The following TPRA1 variants were observed in gnomAD, a reference collection of about 807,000 sequenced individuals.
TPRA1 encodes transmembrane protein adipocyte-associated 1.
A neutral mutation model predicts 40.1 loss-of-function variants in TPRA1; 28 were observed. The observed-to-expected ratio is 0.70, with a 90% CI of 0.52 to 0.96. TPRA1 has a LOEUF of 0.96. Ranked by LOEUF, TPRA1 falls within the 40% of genes least tolerant of loss-of-function variation. The pLI, the probability that TPRA1 is intolerant of heterozygous loss-of-function variation, is 0.00. For missense variants in TPRA1, 441 were observed against 482.6 expected (o/e 0.91, Z 0.81); for synonymous variants, 219 against 209.7 (o/e 1.04, Z -0.38).
At chr3:127,585,512 C>T (rs559100329) in intron 1 of TPRA1, among the ~76,000 whole-genome samples, 34 of 152,328 alleles carry the variant, frequency 2.2e-4, no homozygotes, top group Admixed American at 3.3e-4. Context: ...GGAGCTCCTG[C>T]AACAGTCCAT....
Position 127,598,189 on chromosome 3 carries a change from C to T in TPRA1, c.-573G>A, listed in dbSNP as rs1310273904. The T allele has an allele frequency of 9.1e-6, 5 of 547,086 alleles. No homozygotes were observed. In the Admixed American group the frequency reaches 1.6e-4, roughly 18 times the overall value. The allele number at this position is 547,086 out of a possible 1,614,324, so 33.9% of individuals were successfully genotyped here. Reference sequence around the variant, plus strand: ...GTCGTCGGGTCCCCTGGAGCCTCAGCTTCTACCTCCGCTCCAGCTCCCACC... The same window carrying T: ...GTCGTCGGGTCCCCTGGAGCCTCAGTTTCTACCTCCGCTCCAGCTCCCACC... On this transcript the variant is annotated 5_prime_UTR_variant, in exon 1 of 4. Coordinates refer to the TPRA1 transcript ENST00000462228.
chr3:127,575,377 G>A (rs2073568453), intron 9 of TPRA1, 26 bp downstream of exon 9: 1 of 1,572,388 alleles, frequency 6.4e-7, no homozygotes, highest in East Asian at 2.3e-5. Context: ...CCCCCACGAG[G>A]CAGACACCCT....
rs1274324040 is a variant in TPRA1 at position 127,575,808 on chromosome 3, A to T, written c.611T>A (p.Val204Asp). ...WLVSSCFFFL[V>D]YSLVVILPKT... ...GGGAAGGATGACCACCAGAGAGTAGACCTACAGAGACAGGCAGGGCTGAGA... is the reference window on the plus strand; with the variant it reads ...GGGAAGGATGACCACCAGAGAGTAGTCCTACAGAGACAGGCAGGGCTGAGA... The change falls in exon 8 of 11, where the codon GTC becomes GAC. Residue 204 changes from valine (V) to aspartate (D), a missense_variant and splice_region_variant. By Grantham distance (152) the Val-to-Asp change is radical (BLOSUM62 -3). Coordinates refer to ENST00000355552, the MANE Select transcript of TPRA1 (RefSeq NM_001136053.4). 1.2e-6 allele frequency: 2 copies of T among 1,613,882 alleles called. No homozygotes were observed. The highest frequency in any genetic ancestry group is 3.3e-5 in the Admixed American group (2 of 60,024).
At chr3:127,598,074 G>A (rs544242429) in exon 1 of TPRA1, 4 of 316,046 alleles carry the variant, frequency 1.3e-5, no homozygotes, top group South Asian at 5.0e-5. Context: ...CCAAAGTGCT[G>A]GGATTACAGG....
At position 127,581,137 on chromosome 3, in the gene TPRA1, G is replaced by A. The variant is rs540613150; in HGVS notation, c.-17-974C>T. 1.8e-4 allele frequency among the ~76,000 whole-genome samples: 27 copies of A among 152,320 alleles called. No homozygotes were observed. The South Asian group carries it at 4.6e-3, about 26-fold the overall frequency. On this transcript the variant is annotated intron_variant, in intron 1 of 10. Coordinates refer to ENST00000355552, the MANE Select transcript of TPRA1 (RefSeq NM_001136053.4). ...CAACAGGTACTTCCGCAGGGAGTTCGGGGTGATCCAGGTGTGGCCTGGGGC... is the reference window on the plus strand; with the variant it reads ...CAACAGGTACTTCCGCAGGGAGTTCAGGGTGATCCAGGTGTGGCCTGGGGC...
At chr3:127,590,915 G>A (rs897869136), upstream of TPRA1, 14 of 152,264 alleles carry the variant, frequency 9.2e-5, no homozygotes, top group African/African-American at 3.1e-4. Flanking sequence ...GAGGTGCAGA[G>A]ACAAGACGCT....
intron 1 of TPRA1, among the ~76,000 whole-genome samples, chr3:127,581,293 C>G (rs1264360079): frequency 2.6e-5 from 4 of 152,200 alleles, no homozygotes; most frequent in African/African-American, 9.6e-5. Context: ...AGCCCCAGAG[C>G]ATGGGCATAA....
chr3:127,581,635 G>A (rs186694277), intron 1 of TPRA1, among the ~76,000 whole-genome samples: 17 of 152,130 alleles, frequency 1.1e-4, no homozygotes, highest in East Asian at 9.7e-4. Context: ...AGATGTGGCC[G>A]GGCGCGGTGG....
Position 127,573,624 on chromosome 3 carries a change from G to C in TPRA1, c.1019C>G (p.Ser340Cys). 1.9e-6 allele frequency: 3 copies of C among 1,613,314 alleles called. No homozygotes were observed. The highest frequency in any genetic ancestry group is 2.5e-6 in the Non-Finnish European group (3 of 1,180,000). ...ATCCAGGTAGGCCACCCCGCCGGCAGAGTCGAACTGCGTGCTCGAGTAGCT... is the reference window on the plus strand; with the variant it reads ...ATCCAGGTAGGCCACCCCGCCGGCACAGTCGAACTGCGTGCTCGAGTAGCT... The part of the protein sequence containing the change: ...AASYSSTQFD[S>C]AGGVAYLDDI... Residue 340 changes from serine to cysteine, a missense_variant, in exon 11 of 11, where the codon TCT becomes TGT. By Grantham distance (112) the Ser-to-Cys change is moderately radical. Transcript: ENST00000355552.
chr3:127,573,594 A>T lies in TPRA1; in HGVS notation c.1049T>A (p.Ile350Asn). ...GCCAGTGTGGCAGGGCATGGAAGCG[A>T]TGTCATCCAGGTAGGCCACCCCGCC... Reference protein sequence around the residue: ...SAGGVAYLDDIASMPCHTGSI... With the variant: ...SAGGVAYLDDNASMPCHTGSI... Residue 350 changes from isoleucine to asparagine, a missense_variant, in exon 11 of 11, where the codon ATC becomes AAC. Ile to Asn is a moderately radical substitution (Grantham distance 149, BLOSUM62 -3). Coordinates refer to ENST00000355552, the MANE Select transcript of TPRA1 (RefSeq NM_001136053.4). 6.2e-7 allele frequency: 1 copy of T among 1,613,048 alleles called. No homozygotes were observed. The highest frequency in any genetic ancestry group is 8.5e-7 in the Non-Finnish European group (1 of 1,179,982).
In TPRA1 at chr3:127,573,644, G is replaced by A. The variant is rs2073457276; in HGVS notation, c.999C>T (p.Tyr333=). ...AGAAGASAAS[Y]SSTQFDSAGG... ...CGGCAGAGTCGAACTGCGTGCTCGA[G>A]TAGCTGGCAGCTGAGGCCCCAGCAG... Residue 333 remains tyrosine, a synonymous_variant, in exon 11 of 11, where the codon TAC becomes TAT. Coordinates refer to ENST00000355552, the MANE Select transcript of TPRA1 (RefSeq NM_001136053.4). 6.2e-7 allele frequency: 1 copy of A among 1,613,450 alleles called. No homozygotes were observed. Among genetic ancestry groups the A allele is most frequent in the Non-Finnish European group, 8.5e-7 (1 of 1,180,002 alleles).
In TPRA1 at chr3:127,574,937, C is replaced by A. The variant is rs913112472; in HGVS notation, c.854+248G>T. The A allele has an allele frequency of 1.1e-5, 6 of 559,720 alleles. No individual in the cohort carries two copies. In the Admixed American group the frequency reaches 1.3e-4, roughly 12 times the overall value. The allele number at this position is 559,720 out of a possible 1,614,324, so 34.7% of individuals were successfully genotyped here. A position where few individuals can be genotyped will look rare whatever the true frequency, so the allele number is the denominator to read the frequency against. Reference sequence around the variant, plus strand: ...ATGTGCGTGTTTGTGTGTGCATGTGCATGTGTGCATGCTTGTGCATCCGTG... The same window carrying A: ...ATGTGCGTGTTTGTGTGTGCATGTGAATGTGTGCATGCTTGTGCATCCGTG... On this transcript the variant is annotated intron_variant, in intron 10 of 10. Transcript: ENST00000355552.
intron 10 of TPRA1, 54 bp from the exon 11 acceptor site, chr3:127,573,842 C>A: frequency 6.6e-7 from 1 of 1,513,454 alleles, no homozygotes; most frequent in Non-Finnish European, 8.9e-7. Context: ...TCAGGAAGAG[C>A]CTTCCTCTCC....
In TPRA1 at chr3:127,575,244, G is replaced by A. The variant is rs1216598329; in HGVS notation, c.795C>T (p.Phe265=). The change falls in exon 10 of 11, where the codon TTC becomes TTT. Residue 265 remains phenylalanine, a synonymous_variant. Coordinates refer to ENST00000355552, the MANE Select transcript of TPRA1 (RefSeq NM_001136053.4). The part of the protein sequence containing the change: ...EGLCCVDATT[F]LYFSFFAPLI... ...GCGGAGCGAAGAAGCTGAAGTACAG[G>A]AAGGTTGTGGCATCTACACAGCTGC... 1.2e-6 allele frequency: 2 copies of A among 1,613,900 alleles called. No individual in the cohort carries two copies. Among genetic ancestry groups the A allele is most frequent in the African/African-American group, 1.3e-5 (1 of 74,938 alleles).
chr3:127,594,292 A>C (rs962456098), upstream of TPRA1, among the ~76,000 whole-genome samples: 2 of 152,146 alleles, frequency 1.3e-5, no homozygotes, highest in African/African-American at 4.8e-5. Flanking sequence ...TGACCCACAT[A>C]TCTCTGGGTC....
At chr3:127,592,385 T>C (rs796807044), upstream of TPRA1, among the ~76,000 whole-genome samples, 1 of 142,150 alleles carries the variant, frequency 7.0e-6, no homozygotes, top group Non-Finnish European at 1.5e-5. Flanking sequence ...TTTTTTTTTT[T>C]TTTTTTTTTT....
At position 127,580,954 on chromosome 3, in the gene TPRA1, C is replaced by T. The variant is rs1050253203; in HGVS notation, c.-17-791G>A. Among the ~76,000 whole-genome samples the T allele has an allele frequency of 3.9e-5, 6 of 152,294 alleles. No homozygotes were observed. In the East Asian group the frequency reaches 1.2e-3, roughly 29 times the overall value. ...CCAGGGACAGGGTGGGTCCATAGGC[C>T]AGAGGTCCACATGACACTCTGAGCA... On this transcript the variant is annotated intron_variant, in intron 1 of 10. Transcript: ENST00000355552.
intron 3 of TPRA1, among the ~76,000 whole-genome samples, chr3:127,577,932 G>A (rs1162637170): frequency 6.6e-6 from 1 of 152,194 alleles, no homozygotes; most frequent in Admixed American, 6.5e-5. Context: ...CAGACGGACA[G>A]CATGCAAGCC....
At chr3:127,575,127 G>GGAAGAA in intron 10 of TPRA1, 58 bp downstream of exon 10, 1 of 1,569,618 alleles carries the variant, frequency 6.4e-7, no homozygotes, top group Non-Finnish European at 8.7e-7. Context: ...CACCCATGCT[G>GGAAGAA]GAAGAAGGCG....
Sources: gnomAD v4.1 joint callset for allele counts (sites outside exome capture counted in the v4.1 genomes callset) on GRCh38, gnomAD v4.1.1 for gene constraint, MANE v1.5 for transcripts, NCBI Gene and HGNC (gene_info 2026-07-23, HGNC 2026-07-21) for gene names.